The following ZNHIT3 variants were observed in gnomAD, a reference collection of about 807,000 sequenced individuals.
ZNHIT3 encodes the protein zinc finger HIT domain-containing protein 3.
ZNHIT3 carries 27 observed loss-of-function variants against 19.9 expected under a neutral mutation model. That is an observed-to-expected ratio of 1.36 (90% CI 1.00 to 1.87). The LOEUF (loss-of-function observed/expected upper bound fraction) is 1.87. ZNHIT3 is among the 40% of genes most tolerant of loss of function. ZNHIT3 has a pLI of 0.00. For synonymous variants in ZNHIT3, 81 were observed against 65.7 expected (o/e 1.23, Z -1.13); for missense variants, 215 against 185.6 (o/e 1.16, Z -0.92).
At chr17:36,493,209 C>T (rs938574799) in intron 3 of ZNHIT3, 16 of 422,792 alleles carry the variant, frequency 3.8e-5, no homozygotes, top group African/African-American at 3.2e-4. Context: ...CTGCTGGTCT[C>T]CCTCCATGAA....
chr17:36,493,182 C>T (rs1599153283), intron 3 of ZNHIT3: 1 of 493,268 alleles, frequency 2.0e-6, no homozygotes, highest in Non-Finnish European at 3.6e-6. Flanking sequence ...CTGGCAGGAG[C>T]CTTCTCTAGC....
At chr17:36,496,476 A>G, downstream of ZNHIT3, 1 of 1,490,516 alleles carries the variant, frequency 6.7e-7, no homozygotes, top group Non-Finnish European at 9.2e-7. Context: ...AACCCCACAG[A>G]GCAGACGCTA....
At chr17:36,499,139 C>T (rs779935312), downstream of ZNHIT3, 23 of 1,608,068 alleles carry the variant, frequency 1.4e-5, no homozygotes, top group African/African-American at 2.0e-4. Flanking sequence ...GATGTGTTTC[C>T]GAGTTAACCA....
chr17:36,494,403 GC>G (rs1308848332), intron 4 of ZNHIT3, among the ~76,000 whole-genome samples: 1 of 152,212 alleles, frequency 6.6e-6, no homozygotes, highest in Non-Finnish European at 1.5e-5. Flanking sequence ...GATTTGTACA[GC>G]AGGGACCTGT....
downstream of ZNHIT3, among the ~76,000 whole-genome samples, chr17:36,497,102 G>A (rs550826748): frequency 6.6e-6 from 1 of 152,156 alleles, no homozygotes; most frequent in East Asian, 1.9e-4. Context: ...GGGCAAGGCA[G>A]GCAGACCACT....
At position 36,495,800 on chromosome 17, in the gene ZNHIT3, A is replaced by C; in HGVS notation, c.*396A>C. 1 of 1,240,726 alleles carries C rather than the reference A, an allele frequency of 8.1e-7. No homozygotes were observed. The highest frequency in any genetic ancestry group is 1.0e-6 in the Non-Finnish European group (1 of 992,634). 76.9% of individuals were successfully genotyped at this position (1,240,726 alleles called of 1,614,324 possible). A position where few individuals can be genotyped will look rare whatever the true frequency, so the allele number is the denominator to read the frequency against. On this transcript the variant is annotated 3_prime_UTR_variant, in exon 5 of 5. Coordinates refer to ENST00000617429, the MANE Select transcript of ZNHIT3 (RefSeq NM_004773.4). ...TTAATTGTTTGAAATTACATTAAAT[A>C]AATCAACTAATTAAATACTAAAGTT...
At chr17:36,496,510 G>T, downstream of ZNHIT3, 1 of 1,068,936 alleles carries the variant, frequency 9.4e-7, no homozygotes, top group Non-Finnish European at 1.4e-6. Flanking sequence ...GTATGGACAA[G>T]TACTAGTATT....
chr17:36,486,975 C>A lies in ZNHIT3; in HGVS notation c.118+9C>A. 1 of 1,610,882 alleles carries A rather than the reference C, an allele frequency of 6.2e-7. No individual in the cohort carries two copies. Among genetic ancestry groups the A allele is most frequent in the Non-Finnish European group, 8.5e-7 (1 of 1,179,378 alleles). ...CTTCCGGAAGCACAAAGGTGAGCCC[C>A]GTCCCCGCCAGCCCTCGTACCACTG... is the stretch of plus-strand genomic sequence containing the variant. On this transcript the variant is annotated intron_variant, in intron 2 of 4. Coordinates refer to ENST00000617429, the MANE Select transcript of ZNHIT3 (RefSeq NM_004773.4).
Position 36,493,959 on chromosome 17 carries a change from G to A in ZNHIT3, c.239G>A (p.Ser80Asn), listed in dbSNP as rs1213441665. The change falls in exon 4 of 5, where the codon AGT (serine) becomes AAT (asparagine). Residue 80 changes from serine (S) to asparagine (N), a missense_variant. Physicochemically the swap from Ser to Asn is conservative, Grantham distance 46. Transcript: ENST00000617429. Reference protein sequence around the residue: ...DDDSIADFLNSDEEEDRVSLQ... With the variant: ...DDDSIADFLNNDEEEDRVSLQ... The stretch of plus-strand genomic sequence containing the variant: ...GACTCTATAGCTGATTTTCTCAATA[G>A]TGATGAGGAAGAAGACAGAGTTTCT... The A allele has an allele frequency of 6.2e-7, 1 of 1,613,836 alleles. No homozygotes were observed. Among genetic ancestry groups the A allele is most frequent in the Non-Finnish European group, 8.5e-7 (1 of 1,179,772 alleles).
Position 36,487,928 on chromosome 17 carries a change from A to AC in ZNHIT3, c.118+966dup, listed in dbSNP as rs1411499653. On this transcript the variant is annotated intron_variant, in intron 2 of 4. Transcript: ENST00000617429. ...AGACCAGCCTGGGCAACATAGCGAA[A>AC]CCCCGTCTCTATAAACAAACAAAGC... Among the ~76,000 whole-genome samples the AC allele has an allele frequency of 4.6e-5, 7 of 151,476 alleles. No individual in the cohort carries two copies. The South Asian group carries it at 1.3e-3, about 27-fold the overall frequency.
In ZNHIT3 at chr17:36,495,393, G is replaced by T. The variant is rs199834503; in HGVS notation, c.457G>T (p.Glu153Ter). ...CLGIVEPSQNEES is the reference protein window; with the variant it reads ...CLGIVEPSQN The stretch of plus-strand genomic sequence containing the variant: ...AGGAATTGTGGAGCCATCCCAGAAT[G>T]AGGAGTCTTAAGATGGATTATTGTG... Residue 153 changes from glutamate (E) to a stop codon, truncating the protein, a stop_gained, in exon 5 of 5, where the codon GAG becomes TAG. Coordinates refer to ENST00000617429, the MANE Select transcript of ZNHIT3 (RefSeq NM_004773.4). LOFTEE classifies it high-confidence loss of function. The T allele has an allele frequency of 1.2e-6, 2 of 1,606,890 alleles. No individual in the cohort carries two copies. Among genetic ancestry groups the T allele is most frequent in the African/African-American group, 1.3e-5 (1 of 74,430 alleles).
downstream of ZNHIT3, chr17:36,496,500 GT>G: frequency 8.6e-7 from 1 of 1,164,086 alleles, no homozygotes; most frequent in Non-Finnish European, 1.2e-6. Context: ...ATGCAAGAAG[GT>G]ATGGACAAGT....
intron 2 of ZNHIT3, chr17:36,492,590 A>C (rs1479605568): frequency 3.6e-6 from 2 of 551,834 alleles, no homozygotes; most frequent in South Asian, 2.5e-5. Context: ...GGATGGGGAC[A>C]GGTTCTTGGG....
chr17:36,487,801 G>GA (rs962667039), intron 2 of ZNHIT3, among the ~76,000 whole-genome samples: 22 of 128,672 alleles, frequency 1.7e-4, no homozygotes, highest in African/African-American at 3.2e-4. Context: ...GAAAAAAAAA[G>GA]AAAAAAAAAA....
chr17:36,496,187 G>T, downstream of ZNHIT3: 1 of 1,589,858 alleles, frequency 6.3e-7, no homozygotes, highest in Non-Finnish European at 8.6e-7. Flanking sequence ...GCTGTGTGCT[G>T]ATTAAATGTC....
chr17:36,492,615 C>T, intron 2 of ZNHIT3, 198 bp from the exon 3 acceptor site: 1 of 597,716 alleles, frequency 1.7e-6, no homozygotes, highest in South Asian at 2.1e-5. Context: ...ATGAATGAGT[C>T]CTGCTTTCTC....
At chr17:36,494,918 A>C (rs1350885842) in intron 4 of ZNHIT3, among the ~76,000 whole-genome samples, 1 of 152,216 alleles carries the variant, frequency 6.6e-6, no homozygotes, top group Non-Finnish European at 1.5e-5. Context: ...GCACGAAGTT[A>C]CAATATTTAC....
chr17:36,486,759 C>G lies in ZNHIT3; in HGVS notation c.60C>G (p.Tyr20Ter), dbSNP rs372257914. ...TGATCTGCTTGGAGAAGCCCAAATA[C>G]CGCTGTCCAGCCTGCCGCGTGCCCT... ...VCVICLEKPKYRCPACRVPYC... is the reference protein window; with the variant it reads ...VCVICLEKPK The change falls in exon 1 of 5, where the codon TAC (tyrosine) becomes TAG (stop). Residue 20 changes from tyrosine (Y) to a stop codon, truncating the protein, a stop_gained. Coordinates refer to ENST00000617429, the MANE Select transcript of ZNHIT3 (RefSeq NM_004773.4). LOFTEE classifies it high-confidence loss of function. 6.2e-7 allele frequency: 1 copy of G among 1,613,578 alleles called. No homozygotes were observed. The highest frequency in any genetic ancestry group is 1.3e-5 in the African/African-American group (1 of 74,838).
At chr17:36,488,004 G>A (rs1455564619) in intron 2 of ZNHIT3, among the ~76,000 whole-genome samples, 1 of 148,496 alleles carries the variant, frequency 6.7e-6, no homozygotes, top group African/African-American at 2.5e-5. Flanking sequence ...AAGCAGAGGT[G>A]GGAAGATCGC....
Sources: allele counts gnomAD v4.1 joint callset (sites outside exome capture counted in the v4.1 genomes callset), GRCh38; gene constraint gnomAD v4.1.1; transcripts MANE v1.5; gene names NCBI Gene and HGNC (gene_info 2026-07-23, HGNC 2026-07-21).